The following EPHA6 variants were observed in gnomAD, a reference collection of about 807,000 sequenced individuals.
EPHA6 encodes ephrin type-A receptor 6.
Under a neutral mutation model 112.0 loss-of-function variants are expected in EPHA6, and 50 were observed. The ratio of observed to expected loss-of-function variants is 0.45; its 90% confidence interval spans 0.36 to 0.56. EPHA6 has a LOEUF of 0.56. Among genes scored for constraint, EPHA6 ranks in the 20% least tolerant of loss-of-function variants. The pLI, the probability that EPHA6 is intolerant of heterozygous loss-of-function variation, is 0.00. For synonymous variants in EPHA6, 529 were observed against 490.7 expected (o/e 1.08, Z -1.03); for missense variants, 1,280 against 1,417.4 (o/e 0.90, Z 1.56).
At chr3:97,268,371 TG>T (rs2079768501) in intron 5 of EPHA6, among the ~76,000 whole-genome samples, 1 of 152,146 alleles carries the variant, frequency 6.6e-6, no homozygotes, top group African/African-American at 2.4e-5. Flanking sequence ...CAACAATGGG[TG>T]TTGAATAAGC....
In EPHA6 at chr3:97,759,503, CAG is replaced by C. The variant is rs1249782977; in HGVS notation, c.*10803_*10804del. 8 of 230,322 alleles carry C rather than the reference CAG, an allele frequency of 3.5e-5. No individual in the cohort carries two copies. Among genetic ancestry groups the C allele is most frequent in the East Asian group, 6.2e-5 (1 of 16,226 alleles). The allele number at this position is 230,322 out of a possible 1,614,324, so 14.3% of individuals were successfully genotyped here. A position where few individuals can be genotyped will look rare whatever the true frequency, so the allele number is the denominator to read the frequency against. On this transcript the variant is annotated 3_prime_UTR_variant, in exon 18 of 18. Coordinates refer to ENST00000389672, the MANE Select transcript of EPHA6 (RefSeq NM_001080448.3). ...CTACTAATGAAAATGACTTGGCAGA[CAG>C]GGGAAAACTGATTATGCAAGAGAGA...
intron 2 of EPHA6, among the ~76,000 whole-genome samples, chr3:96,977,195 T>C (rs1482215786): frequency 6.6e-6 from 1 of 152,186 alleles, no homozygotes; most frequent in East Asian, 1.9e-4. Flanking sequence ...ACTGGTACTG[T>C]ATATTTTAAG....
chr3:97,330,899 A>G (rs1036757482), intron 5 of EPHA6, among the ~76,000 whole-genome samples: 33 of 152,272 alleles, frequency 2.2e-4, no homozygotes, highest in African/African-American at 7.7e-4. Flanking sequence ...AGTGGACCTA[A>G]TAGACTTCTA....
chr3:97,151,252 G>GT (rs753264905), intron 3 of EPHA6, among the ~76,000 whole-genome samples: 1 of 152,040 alleles, frequency 6.6e-6, no homozygotes, highest in Admixed American at 6.6e-5. Flanking sequence ...TTTCTTTGTA[G>GT]TTTTTCCTTT....
intron 9 of EPHA6, among the ~76,000 whole-genome samples, chr3:97,481,914 T>G (rs1428824950): frequency 6.6e-6 from 1 of 152,226 alleles, no homozygotes; most frequent in African/African-American, 2.4e-5. Flanking sequence ...AAGGTGCTCC[T>G]GAGGCATTTA....
chr3:97,698,100 T>G (rs750550312), intron 14 of EPHA6, among the ~76,000 whole-genome samples: 67 of 152,230 alleles, frequency 4.4e-4, no homozygotes, highest in Non-Finnish European at 8.7e-4. Context: ...CCTCCCGGGT[T>G]CAAGCAATTC....
chr3:97,522,112 A>G (rs984670553), intron 10 of EPHA6, among the ~76,000 whole-genome samples: 2 of 151,598 alleles, frequency 1.3e-5, no homozygotes, highest in African/African-American at 4.8e-5. Context: ...TGGTCTTACT[A>G]TGTTGCTCAG....
At chr3:97,736,466 A>AGTGT (rs1221270225) in intron 16 of EPHA6, among the ~76,000 whole-genome samples, 2 of 111,916 alleles carry the variant, frequency 1.8e-5, no homozygotes, top group Admixed American at 9.4e-5. Flanking sequence ...AGAGAGAGAG[A>AGTGT]GAGAGTGTGT....
At chr3:97,409,984 ATGT>A (rs1414142306) in intron 6 of EPHA6, among the ~76,000 whole-genome samples, 2 of 152,198 alleles carry the variant, frequency 1.3e-5, no homozygotes, top group African/African-American at 4.8e-5. Flanking sequence ...AAAATAAATA[ATGT>A]TGTGACACTG....
intron 15 of EPHA6, among the ~76,000 whole-genome samples, chr3:97,721,746 T>C (rs879495358): frequency 6.6e-6 from 1 of 152,200 alleles, no homozygotes; most frequent in African/African-American, 2.4e-5. Flanking sequence ...GGAATCATAT[T>C]TGAAGGACTC....
chr3:97,170,523 G>T (rs2076669628), intron 3 of EPHA6, among the ~76,000 whole-genome samples: 1 of 152,084 alleles, frequency 6.6e-6, no homozygotes, highest in African/African-American at 2.4e-5. Context: ...GACCACCTGA[G>T]GTCAGGAGCT....
In EPHA6 at chr3:97,127,591, C is replaced by T. The variant is rs142180432; in HGVS notation, c.1115-98673C>T. 6.2e-3 allele frequency among the ~76,000 whole-genome samples: 945 copies of T among 152,030 alleles called. 7 individuals are homozygous for T. The highest frequency in any genetic ancestry group is 0.022 in the African/African-American group (903 of 41,470). Reference sequence around the variant, plus strand: ...CAAAAATTAGCTGGGCGCAGTGGTGCATGCCTGTAGTTCCAGCTGCTGAGG... The same window carrying T: ...CAAAAATTAGCTGGGCGCAGTGGTGTATGCCTGTAGTTCCAGCTGCTGAGG... On this transcript the variant is annotated intron_variant, in intron 3 of 17. Transcript: ENST00000389672.
chr3:97,235,769 T>C (rs1387740910), intron 4 of EPHA6, among the ~76,000 whole-genome samples: 1 of 152,124 alleles, frequency 6.6e-6, no homozygotes, highest in Admixed American at 6.6e-5. Flanking sequence ...GCTTGGTCTG[T>C]CTCTCCCTAA....
intron 15 of EPHA6, among the ~76,000 whole-genome samples, chr3:97,728,459 G>T (rs1049401346): frequency 3.3e-5 from 5 of 152,066 alleles, no homozygotes; most frequent in Non-Finnish European, 7.4e-5. Flanking sequence ...ACTTTACAAG[G>T]ATATACTCTG....
At chr3:97,086,249 G>A (rs1240232706) in intron 3 of EPHA6, among the ~76,000 whole-genome samples, 2 of 151,982 alleles carry the variant, frequency 1.3e-5, no homozygotes, top group African/African-American at 4.8e-5. Context: ...TGTAACAGCT[G>A]TCAAAGTCTT....
At chr3:97,231,835 A>C (rs1312427452) in intron 4 of EPHA6, among the ~76,000 whole-genome samples, 1 of 152,190 alleles carries the variant, frequency 6.6e-6, no homozygotes, top group Non-Finnish European at 1.5e-5. Context: ...GATGACTTAT[A>C]GTCGTTTCTT....
chr3:97,078,892 G>A (rs1333847895), intron 3 of EPHA6, among the ~76,000 whole-genome samples: 1 of 152,148 alleles, frequency 6.6e-6, no homozygotes, highest in Non-Finnish European at 1.5e-5. Context: ...TGACAACAAG[G>A]AGTTTAGAAT....
At chr3:97,052,971 G>T (rs2045734350) in intron 3 of EPHA6, among the ~76,000 whole-genome samples, 1 of 151,988 alleles carries the variant, frequency 6.6e-6, no homozygotes, top group African/African-American at 2.4e-5. Context: ...GCTAAGCCCA[G>T]TTCCAAGAGG....
At chr3:96,923,262 GA>G (rs1193871536) in intron 2 of EPHA6, among the ~76,000 whole-genome samples, 3 of 151,950 alleles carry the variant, frequency 2.0e-5, no homozygotes, top group African/African-American at 4.8e-5. Flanking sequence ...CACCAACAAT[GA>G]AAAAAACATT....
Sources: gnomAD v4.1 joint callset for allele counts (sites outside exome capture counted in the v4.1 genomes callset) on GRCh38, gnomAD v4.1.1 for gene constraint, MANE v1.5 for transcripts, NCBI Gene and HGNC (gene_info 2026-07-23, HGNC 2026-07-21) for gene names.